The following ADGRB3 variants were observed in gnomAD, a reference collection of about 807,000 sequenced individuals.
ADGRB3 encodes the protein adhesion G protein-coupled receptor B3, also known as brain-specific angiogenesis inhibitor 3.
A neutral mutation model predicts 193.4 loss-of-function variants in ADGRB3; 37 were observed. The ratio of observed to expected loss-of-function variants is 0.19; its 90% CI spans 0.15 to 0.25. ADGRB3 has a LOEUF of 0.25. ADGRB3 is among the 10% of genes least tolerant of loss of function. The pLI, the probability that ADGRB3 is intolerant of heterozygous loss-of-function variation, is 1.00. For synonymous variants in ADGRB3, 690 were observed against 644.2 expected, an observed-to-expected ratio of 1.07 and a Z score of -1.08; for missense variants, 1,637 against 1,852.9, an observed-to-expected ratio of 0.88 and a Z score of 2.14.
At chr6:69,270,204 A>T in intron 20 of ADGRB3, among the ~76,000 whole-genome samples, 1 of 147,736 alleles carries the variant, frequency 6.8e-6, no homozygotes, top group Non-Finnish European at 1.5e-5. Context: ...CCATGACTAG[A>T]GCTTTTGGTA....
At chr6:69,238,489 A>C (rs1260583786) in intron 19 of ADGRB3, among the ~76,000 whole-genome samples, 1 of 152,066 alleles carries the variant, frequency 6.6e-6, no homozygotes, top group East Asian at 1.9e-4. Context: ...TTTCCAGCCT[A>C]ATAGTGAATT....
intron 17 of ADGRB3, among the ~76,000 whole-genome samples, chr6:69,116,621 A>G (rs1009576482): frequency 1.3e-4 from 20 of 152,122 alleles, no homozygotes; most frequent in Non-Finnish European, 4.4e-5. Context: ...ACTGAAGGCA[A>G]TTTCTTGCTC....
chr6:69,343,063 G>A (rs1445026056), intron 26 of ADGRB3, among the ~76,000 whole-genome samples: 2 of 151,856 alleles, frequency 1.3e-5, no homozygotes, highest in Non-Finnish European at 2.9e-5. Flanking sequence ...TAGCCTTGAA[G>A]TTTAAGAAGG....
chr6:69,259,338 A>G (rs1342281344), intron 20 of ADGRB3, among the ~76,000 whole-genome samples: 1 of 152,080 alleles, frequency 6.6e-6, no homozygotes, highest in Non-Finnish European at 1.5e-5. Flanking sequence ...CCTTCCAACT[A>G]CATTTCTTTA....
At chr6:68,658,373 A>G (rs1434550293) in intron 3 of ADGRB3, among the ~76,000 whole-genome samples, 2 of 151,362 alleles carry the variant, frequency 1.3e-5, no homozygotes, top group Non-Finnish European at 3.0e-5. Context: ...AGAAAAATAT[A>G]TGTATTTTAA....
At chr6:68,800,669 G>C (rs1255374912) in intron 3 of ADGRB3, among the ~76,000 whole-genome samples, 1 of 152,176 alleles carries the variant, frequency 6.6e-6, no homozygotes, top group East Asian at 1.9e-4. Flanking sequence ...AACTATGTTA[G>C]TTGCTGCCTA....
intron 3 of ADGRB3, among the ~76,000 whole-genome samples, chr6:68,914,715 T>G (rs1766827468): frequency 1.3e-5 from 2 of 152,172 alleles, no homozygotes; most frequent in African/African-American, 4.8e-5. Flanking sequence ...GAAATTTTGG[T>G]AGAGGCAAAA....
At chr6:68,787,013 A>G (rs533445532) in intron 3 of ADGRB3, among the ~76,000 whole-genome samples, 2 of 152,284 alleles carry the variant, frequency 1.3e-5, no homozygotes, top group South Asian at 2.1e-4. Flanking sequence ...TTGTATCCTG[A>G]GACTTTGCTG....
At chr6:68,968,146 CTT>C (rs1288156007) in intron 8 of ADGRB3, among the ~76,000 whole-genome samples, 1 of 152,016 alleles carries the variant, frequency 6.6e-6, no homozygotes, top group Non-Finnish European at 1.5e-5. Context: ...GAAGCATTGA[CTT>C]ATTTCACATA....
chr6:69,327,756 T>C, intron 21 of ADGRB3, 64 bp from the exon 22 acceptor site: 1 of 1,435,182 alleles, frequency 7.0e-7, no homozygotes, highest in Non-Finnish European at 9.6e-7. Context: ...TTCTGGCTTT[T>C]CTTAGACCAG....
chr6:68,835,374 C>T (rs1284699221), intron 3 of ADGRB3, among the ~76,000 whole-genome samples: 1 of 151,994 alleles, frequency 6.6e-6, no homozygotes, highest in Non-Finnish European at 1.5e-5. Flanking sequence ...TGTAGTTAGA[C>T]AAAATATATG....
At chr6:68,720,316 G>C (rs1765554715) in intron 3 of ADGRB3, among the ~76,000 whole-genome samples, 1 of 151,708 alleles carries the variant, frequency 6.6e-6, no homozygotes, top group African/African-American at 2.4e-5. Flanking sequence ...CATATGCCTG[G>C]TATAAATCCA....
chr6:69,292,725 T>A (rs74463608), intron 20 of ADGRB3, among the ~76,000 whole-genome samples: 1 of 151,924 alleles, frequency 6.6e-6, no homozygotes, highest in East Asian at 1.9e-4. Flanking sequence ...TTTTTTTTTT[T>A]ATTATTACCA....
chr6:68,734,479 A>G (rs1277400208), intron 3 of ADGRB3, among the ~76,000 whole-genome samples: 2 of 152,028 alleles, frequency 1.3e-5, no homozygotes, highest in East Asian at 3.9e-4. Flanking sequence ...CATGCATATA[A>G]TGGGAAAACA....
intron 20 of ADGRB3, among the ~76,000 whole-genome samples, chr6:69,248,544 T>G (rs529545479): frequency 6.6e-6 from 1 of 152,360 alleles, no homozygotes; most frequent in African/African-American, 2.4e-5. Flanking sequence ...AGGAGAGAAC[T>G]CCTTTGACAA....
At chr6:68,895,358 A>G (rs1028454179) in intron 3 of ADGRB3, among the ~76,000 whole-genome samples, 4 of 151,900 alleles carry the variant, frequency 2.6e-5, no homozygotes, top group Non-Finnish European at 2.9e-5. Context: ...GTCTTGAAAA[A>G]CATGTATTTA....
intron 17 of ADGRB3, among the ~76,000 whole-genome samples, chr6:69,163,103 C>T (rs1252927527): frequency 6.6e-6 from 1 of 152,028 alleles, no homozygotes; most frequent in Admixed American, 6.6e-5. Context: ...TTGATTTTGG[C>T]TGACATTTAG....
chr6:69,036,941 G>A (rs950457399), intron 13 of ADGRB3, among the ~76,000 whole-genome samples: 2 of 152,172 alleles, frequency 1.3e-5, no homozygotes, highest in Non-Finnish European at 1.5e-5. Flanking sequence ...AATGGTTTAT[G>A]AGAGAAAGAA....
intron 28 of ADGRB3, among the ~76,000 whole-genome samples, chr6:69,358,559 T>A (rs997707991): frequency 3.3e-5 from 5 of 151,954 alleles, no homozygotes; most frequent in Non-Finnish European, 5.9e-5. Flanking sequence ...CCCATTAGGA[T>A]CTTTCTTCTG....
Sources: allele counts gnomAD v4.1 joint callset (sites outside exome capture counted in the v4.1 genomes callset), GRCh38; gene constraint gnomAD v4.1.1; transcripts MANE v1.5; gene names NCBI Gene and HGNC (gene_info 2026-07-23, HGNC 2026-07-21).